Variants in RGS17 observed in about 807,000 individuals in gnomAD.
The protein encoded by RGS17 is regulator of G-protein signaling 17.
RGS17 carries 12 observed loss-of-function variants against 25.5 expected under a neutral mutation model. The observed-to-expected ratio is 0.47, with a 90% confidence interval of 0.30 to 0.76. RGS17 has a LOEUF of 0.76. RGS17 is among the 30% of genes least tolerant of loss of function. The probability of loss-of-function intolerance (pLI) is 0.07; values close to 1 mark genes in which losing one functional copy is unlikely to be tolerated. For missense variants in RGS17, 196 were observed against 242.2 expected, an observed-to-expected ratio of 0.81 and a Z score of 1.27; for synonymous variants, 71 against 76.9, an observed-to-expected ratio of 0.92 and a Z score of 0.40.
intron 2 of RGS17, among the ~76,000 whole-genome samples, chr6:153,032,277 G>A (rs1043506949): frequency 1.2e-4 from 19 of 152,040 alleles, no homozygotes; most frequent in African/African-American, 4.3e-4. Context: ...GTGTGGGGAT[G>A]GGAACAGTGG....
chr6:153,012,835 C>T (rs1779147965), intron 4 of RGS17, among the ~76,000 whole-genome samples: 1 of 152,102 alleles, frequency 6.6e-6, no homozygotes, highest in Non-Finnish European at 1.5e-5. Flanking sequence ...CTTCTTTTCC[C>T]ACCACTGTTC....
intron 1 of RGS17, among the ~76,000 whole-genome samples, chr6:153,090,873 G>A (rs879108436): frequency 6.6e-6 from 1 of 151,682 alleles, no homozygotes; most frequent in Non-Finnish European, 1.5e-5. Flanking sequence ...AGGGTTCTGT[G>A]GTTTCAGGTG....
At chr6:153,074,755 T>C (rs1776853207) in intron 1 of RGS17, among the ~76,000 whole-genome samples, 1 of 152,200 alleles carries the variant, frequency 6.6e-6, no homozygotes, top group South Asian at 2.1e-4. Context: ...GCTAATATTT[T>C]AAAAAGGATT....
intron 4 of RGS17, among the ~76,000 whole-genome samples, chr6:153,023,961 TTCTC>T: frequency 6.6e-6 from 1 of 152,308 alleles, no homozygotes; most frequent in East Asian, 1.9e-4. Context: ...CTAAAATACA[TTCTC>T]TCTTTCCATT....
intron 1 of RGS17, among the ~76,000 whole-genome samples, chr6:153,100,081 CTTAA>C (rs1237141835): frequency 6.6e-6 from 1 of 152,104 alleles, no homozygotes; most frequent in Non-Finnish European, 1.5e-5. Context: ...TTAAAGAAGA[CTTAA>C]TAAATAAAGA....
At chr6:153,112,227 C>T (rs73016344) in intron 1 of RGS17, among the ~76,000 whole-genome samples, 2,618 of 152,114 alleles carry the variant, frequency 0.017, 36 homozygotes, top group Non-Finnish European at 0.022. Context: ...TAGAGAAGAA[C>T]GAAAGTGACC....
At chr6:153,013,886 G>T (rs1779157768) in intron 4 of RGS17, among the ~76,000 whole-genome samples, 1 of 152,206 alleles carries the variant, frequency 6.6e-6, no homozygotes, top group African/African-American at 2.4e-5. Context: ...TGTAGGGAAA[G>T]AAGTTATCTC....
In RGS17 at chr6:153,095,239, G is replaced by A. The variant is rs374297557; in HGVS notation, c.-26+35885C>T. ...AGTAACAGAAAGAGAAAACCATTATGTTTCATAATGAAATATTCTTGGATA... is the reference window on the plus strand; with the variant it reads ...AGTAACAGAAAGAGAAAACCATTATATTTCATAATGAAATATTCTTGGATA... On this transcript the variant is annotated intron_variant, in intron 1 of 4. Transcript: ENST00000206262. Among the ~76,000 whole-genome samples the A allele has an allele frequency of 3.9e-5, 6 of 152,154 alleles. No homozygotes were observed. The East Asian group carries it at 9.6e-4, about 24-fold the overall frequency.
At chr6:153,100,541 AAAAGAAAAAAAAGGAAAGG>A (rs900142507) in intron 1 of RGS17, among the ~76,000 whole-genome samples, 2 of 38,706 alleles carry the variant, frequency 5.2e-5, no homozygotes, top group African/African-American at 3.4e-4. Flanking sequence ...CCTAAAAAGA[AAAAGAAAAAAAAGGAAAGG>A]AAAGAAAAAA....
intron 1 of RGS17, among the ~76,000 whole-genome samples, chr6:153,054,092 T>TATATATATATGTGTATATATA (rs1393844507): frequency 2.4e-5 from 1 of 42,102 alleles, no homozygotes; most frequent in Non-Finnish European, 3.8e-5. Context: ...ACAATATTTT[T>TATATATATATGTGTATATATA]TATATATATA....
chr6:153,042,180 T>C (rs990847388), intron 2 of RGS17, among the ~76,000 whole-genome samples: 1 of 152,184 alleles, frequency 6.6e-6, no homozygotes, highest in Admixed American at 6.6e-5. Context: ...ACAACTATGA[T>C]TGAAATATTT....
At chr6:153,055,753 A>C (rs1171044409) in intron 1 of RGS17, among the ~76,000 whole-genome samples, 1 of 152,218 alleles carries the variant, frequency 6.6e-6, no homozygotes, top group Non-Finnish European at 1.5e-5. Context: ...CACATAAATC[A>C]GGTGTACTAA....
At chr6:153,088,036 T>C (rs186110044) in intron 1 of RGS17, among the ~76,000 whole-genome samples, 1 of 151,896 alleles carries the variant, frequency 6.6e-6, no homozygotes, top group Non-Finnish European at 1.5e-5. Flanking sequence ...CTCCCTTCCA[T>C]TCCTCACTTT....
At chr6:153,094,693 C>T (rs1004608414) in intron 1 of RGS17, among the ~76,000 whole-genome samples, 2 of 152,108 alleles carry the variant, frequency 1.3e-5, no homozygotes, top group Non-Finnish European at 2.9e-5. Flanking sequence ...TTGAAAATTA[C>T]ACAATCAATC....
At chr6:153,047,618 T>A (rs553538131) in intron 1 of RGS17, among the ~76,000 whole-genome samples, 1 of 152,296 alleles carries the variant, frequency 6.6e-6, no homozygotes, top group East Asian at 1.9e-4. Flanking sequence ...ATGGGATTAG[T>A]GCCCTTATAA....
Position 153,130,979 on chromosome 6 carries a change from C to A in RGS17, c.-26+145G>T, listed in dbSNP as rs1180324093. The A allele has an allele frequency of 1.4e-5, 2 of 143,060 alleles. No homozygotes were observed. The highest frequency in any genetic ancestry group is 5.1e-5 in the African/African-American group (2 of 38,962). 8.9% of individuals were successfully genotyped at this position (143,060 alleles called of 1,614,324 possible). On this transcript the variant is annotated intron_variant, in intron 1 of 4. Transcript: ENST00000206262. The surrounding 1 kb of genome is among the most constrained non-coding windows in gnomAD (Gnocchi z 6.4). ...TGAGACCCCAGCGCCGCGCAGCCGCCCCCGCCGGGGCATGGGCGGTCGCGC... is the reference window on the plus strand; with the variant it reads ...TGAGACCCCAGCGCCGCGCAGCCGCACCCGCCGGGGCATGGGCGGTCGCGC...
intron 1 of RGS17, among the ~76,000 whole-genome samples, chr6:153,053,207 A>C (rs1462461098): frequency 6.6e-6 from 1 of 152,246 alleles, no homozygotes; most frequent in African/African-American, 2.4e-5. Flanking sequence ...TCTTAAAATG[A>C]GTAACTTAGA....
intron 4 of RGS17, among the ~76,000 whole-genome samples, chr6:153,019,931 C>T (rs1779222503): frequency 6.6e-6 from 1 of 151,172 alleles, no homozygotes; most frequent in Non-Finnish European, 1.5e-5. Flanking sequence ...GCTTAAAGGC[C>T]TCTTTATTAT....
chr6:153,043,981 G>A lies in RGS17; in HGVS notation c.38C>T (p.Pro13Leu), dbSNP rs765155327. Residue 13 changes from proline to leucine, a missense_variant, in exon 2 of 5, where the codon CCT (proline) becomes CTT (leucine). Pro to Leu is a moderately conservative substitution (Grantham distance 98). Coordinates refer to ENST00000206262, the MANE Select transcript of RGS17 (RefSeq NM_012419.5). ...KRQQSQNEGT[P>L]AVSQAPGNQR... ...GTTTCCAGGAGCTTGAGACACGGCA[G>A]GTGTTCCTTCATTTTGGGACTGCTG... 3.5e-5 allele frequency: 56 copies of A among 1,612,858 alleles called. No individual in the cohort carries two copies. In the Middle Eastern group the frequency reaches 4.9e-4, roughly 14 times the overall value.
Sources: gnomAD v4.1 joint callset for allele counts (sites outside exome capture counted in the v4.1 genomes callset) on GRCh38, gnomAD v4.1.1 for gene constraint, Gnocchi (gnomAD v3.1) non-coding constraint, MANE v1.5 for transcripts, NCBI Gene and HGNC (gene_info 2026-07-23, HGNC 2026-07-21) for gene names.